Variants in RBMS3 observed in about 807,000 individuals in gnomAD.
The protein encoded by RBMS3 is RNA binding motif single stranded interacting protein 3.
RBMS3 carries 27 observed loss-of-function variants against 66.8 expected under a neutral mutation model. That is an observed-to-expected ratio of 0.40 (90% CI 0.30 to 0.56). The LOEUF is 0.56. Among genes scored for constraint, RBMS3 ranks in the 20% least tolerant of loss-of-function variants. RBMS3 has a pLI of 0.40. For missense variants in RBMS3, 513 were observed against 549.5 expected (o/e 0.93, Z 0.66); for synonymous variants, 188 against 183.0 (o/e 1.03, Z -0.22).
At chr3:29,666,797 A>G (rs2050782365) in intron 4 of RBMS3, among the ~76,000 whole-genome samples, 1 of 152,172 alleles carries the variant, frequency 6.6e-6, no homozygotes, top group Non-Finnish European at 1.5e-5. Flanking sequence ...TTTGTATAGA[A>G]ATAATTTTAA....
At chr3:29,683,488 A>G (rs2051583487) in intron 4 of RBMS3, among the ~76,000 whole-genome samples, 1 of 152,162 alleles carries the variant, frequency 6.6e-6, no homozygotes, top group Admixed American at 6.5e-5. Context: ...GCAAAGAGAA[A>G]AAACAACTTT....
chr3:29,779,434 TG>T (rs2056544972), intron 6 of RBMS3, among the ~76,000 whole-genome samples: 1 of 151,594 alleles, frequency 6.6e-6, no homozygotes, highest in African/African-American at 2.4e-5. Flanking sequence ...TTTCTTTGAA[TG>T]GGCCAAAGAA....
intron 1 of RBMS3, among the ~76,000 whole-genome samples, chr3:29,300,536 G>A (rs562816570): frequency 2.2e-4 from 33 of 152,044 alleles, no homozygotes; most frequent in Admixed American, 6.6e-4. Flanking sequence ...AATTTAAAAT[G>A]TGACAAAGCA....
At chr3:29,355,620 A>G (rs1052242307) in intron 1 of RBMS3, among the ~76,000 whole-genome samples, 5 of 152,094 alleles carry the variant, frequency 3.3e-5, no homozygotes, top group African/African-American at 1.2e-4. Context: ...TTGCATATTT[A>G]TTATATCTCG....
At chr3:29,489,320 A>G (rs1386710746) in intron 3 of RBMS3, among the ~76,000 whole-genome samples, 1 of 152,164 alleles carries the variant, frequency 6.6e-6, no homozygotes, top group Non-Finnish European at 1.5e-5. Flanking sequence ...AAACTCCTGT[A>G]TATGTATCTC....
intron 4 of RBMS3, among the ~76,000 whole-genome samples, chr3:29,734,978 A>G (rs1250279519): frequency 6.6e-6 from 1 of 152,174 alleles, no homozygotes; most frequent in Non-Finnish European, 1.5e-5. Flanking sequence ...CTAGTACTGT[A>G]GCTACTTCCA....
At chr3:29,887,751 C>A (rs954875973) in intron 8 of RBMS3, among the ~76,000 whole-genome samples, 7 of 151,786 alleles carry the variant, frequency 4.6e-5, no homozygotes, top group African/African-American at 1.7e-4. Context: ...AAAAAAAGAT[C>A]AAGAGTCAGT....
At chr3:29,862,774 G>T (rs1379595723) in intron 6 of RBMS3, among the ~76,000 whole-genome samples, 1 of 151,538 alleles carries the variant, frequency 6.6e-6, no homozygotes, top group Non-Finnish European at 1.5e-5. Flanking sequence ...AACCCAGGAG[G>T]CGCAGGCTGA....
chr3:29,395,296 C>A (rs1222304936), intron 1 of RBMS3, among the ~76,000 whole-genome samples: 3 of 152,130 alleles, frequency 2.0e-5, no homozygotes, highest in African/African-American at 7.2e-5. Flanking sequence ...CTGACAATAC[C>A]CACAAGGATG....
chr3:29,787,719 C>T (rs1011851961), intron 6 of RBMS3, among the ~76,000 whole-genome samples: 4 of 152,052 alleles, frequency 2.6e-5, no homozygotes, highest in Non-Finnish European at 5.9e-5. Flanking sequence ...AATAAAAGGC[C>T]ACACACTGAG....
At chr3:29,863,525 G>A (rs1477248089) in intron 6 of RBMS3, among the ~76,000 whole-genome samples, 1 of 151,942 alleles carries the variant, frequency 6.6e-6, no homozygotes, top group Admixed American at 6.6e-5. Context: ...ACTTAGCAAT[G>A]TCAGTAAATA....
At chr3:29,552,355 A>G (rs1488650339) in intron 3 of RBMS3, among the ~76,000 whole-genome samples, 2 of 152,180 alleles carry the variant, frequency 1.3e-5, no homozygotes, top group Non-Finnish European at 2.9e-5. Flanking sequence ...TTTTTGAACT[A>G]GACATCCATA....
chr3:29,292,565 T>C (rs1225522429), intron 1 of RBMS3, among the ~76,000 whole-genome samples: 1 of 151,822 alleles, frequency 6.6e-6, no homozygotes, highest in African/African-American at 2.4e-5. Context: ...ATCTTATTGA[T>C]TAATTCTAAT....
chr3:29,416,169 A>G (rs1383251574), intron 1 of RBMS3, among the ~76,000 whole-genome samples: 1 of 152,098 alleles, frequency 6.6e-6, no homozygotes, highest in Admixed American at 6.6e-5. Context: ...TCACCTCTTG[A>G]TATGACAGAG....
intron 6 of RBMS3, among the ~76,000 whole-genome samples, chr3:29,818,639 G>T (rs192324083): frequency 2.2e-4 from 34 of 152,100 alleles, no homozygotes; most frequent in African/African-American, 7.9e-4. Context: ...ACTGAATTGG[G>T]ATAAGAAAAA....
intron 14 of RBMS3, among the ~76,000 whole-genome samples, chr3:29,996,609 G>C (rs1253826777): frequency 4.0e-5 from 6 of 150,024 alleles, no homozygotes; most frequent in African/African-American, 7.3e-5. Context: ...TCAGGATTAA[G>C]AATCTCACTC....
At chr3:29,362,315 C>G (rs1034109645) in intron 1 of RBMS3, among the ~76,000 whole-genome samples, 11 of 145,864 alleles carry the variant, frequency 7.5e-5, no homozygotes, top group Non-Finnish European at 1.6e-4. Flanking sequence ...GAGGTCCACT[C>G]CAGACCCTGT....
intron 5 of RBMS3, among the ~76,000 whole-genome samples, chr3:29,750,194 G>A (rs552376342): frequency 6.6e-6 from 1 of 152,188 alleles, no homozygotes; most frequent in Admixed American, 6.5e-5. Context: ...TAGAGTTCTG[G>A]CAGATTTTAC....
chr3:29,702,773 C>G lies in RBMS3; in HGVS notation c.400-36947C>G, dbSNP rs558583745. Among the ~76,000 whole-genome samples, 101 of 152,170 alleles carry G rather than the reference C, an allele frequency of 6.6e-4. 1 individual carries two copies. Among genetic ancestry groups the G allele is most frequent in the Non-Finnish European group, 1.2e-3 (84 of 68,028 alleles). On this transcript the variant is annotated intron_variant, in intron 4 of 14. Coordinates refer to ENST00000383767, the MANE Select transcript of RBMS3 (RefSeq NM_001003793.3). ...GTTTTACTCCTGAAGCCAGCGAGACCACGAACCCACCAGAAGGAAGAAACT... is the reference window on the plus strand; with the variant it reads ...GTTTTACTCCTGAAGCCAGCGAGACGACGAACCCACCAGAAGGAAGAAACT...
Sources: allele counts gnomAD v4.1 joint callset (sites outside exome capture counted in the v4.1 genomes callset), GRCh38; gene constraint gnomAD v4.1.1; transcripts MANE v1.5; gene names NCBI Gene and HGNC (gene_info 2026-07-23, HGNC 2026-07-21).